The following IGF1R variants were observed in gnomAD, a reference collection of about 807,000 sequenced individuals.
IGF1R encodes insulin like growth factor 1 receptor.
A neutral mutation model predicts 144.6 loss-of-function variants in IGF1R; 44 were observed. The observed-to-expected ratio is 0.30, with a 90% CI of 0.24 to 0.39. The LOEUF is 0.39. Among genes scored for constraint, IGF1R ranks in the 10% least tolerant of loss-of-function variants. The pLI is 1.00. For missense variants in IGF1R, 1,355 were observed against 1,833.7 expected (o/e 0.74, Z 4.77); for synonymous variants, 795 against 722.8 (o/e 1.10, Z -1.60).
At chr15:98,924,260 T>C (rs1196047933) in intron 12 of IGF1R, among the ~76,000 whole-genome samples, 1 of 152,276 alleles carries the variant, frequency 6.6e-6, no homozygotes, top group African/African-American at 2.4e-5. Flanking sequence ...CCTTGTGGCA[T>C]AGGCCAGGTC....
At chr15:98,772,842 T>C (rs2055622699) in intron 2 of IGF1R, among the ~76,000 whole-genome samples, 1 of 152,164 alleles carries the variant, frequency 6.6e-6, no homozygotes, top group African/African-American at 2.4e-5. Context: ...TTACGATGTT[T>C]GTTATCACAG....
chr15:98,743,725 TA>T (rs142737117), intron 2 of IGF1R, among the ~76,000 whole-genome samples: 25 of 152,190 alleles, frequency 1.6e-4, no homozygotes, highest in Middle Eastern at 6.8e-3. Flanking sequence ...ATATTTCCAT[TA>T]AAAAATTCAT....
At chr15:98,873,555 A>G (rs528067031) in intron 2 of IGF1R, among the ~76,000 whole-genome samples, 4 of 152,380 alleles carry the variant, frequency 2.6e-5, no homozygotes, top group African/African-American at 9.6e-5. Context: ...AAAACTTGAA[A>G]GTGAGCCAGA....
chr15:98,674,715 T>C (rs1362503263), intron 1 of IGF1R, among the ~76,000 whole-genome samples: 2 of 152,172 alleles, frequency 1.3e-5, no homozygotes, highest in Non-Finnish European at 2.9e-5. Context: ...AAGTTTTCTG[T>C]CTCTCTATAA....
chr15:98,916,966 A>T (rs750614542), intron 10 of IGF1R, 90 bp downstream of exon 10: 1 of 1,109,250 alleles, frequency 9.0e-7, no homozygotes, highest in Non-Finnish European at 1.4e-6. Flanking sequence ...TGTGTAAGTC[A>T]GCAGCTGGGG....
chr15:98,939,121 G>C, intron 17 of IGF1R, 80 bp from the exon 18 acceptor site: 2 of 1,189,134 alleles, frequency 1.7e-6, no homozygotes, highest in Non-Finnish European at 2.5e-6. Flanking sequence ...GAACAAAGAT[G>C]ATATGCAAAC....
intron 19 of IGF1R, among the ~76,000 whole-genome samples, chr15:98,947,078 G>A (rs1321236900): frequency 6.6e-6 from 1 of 152,174 alleles, no homozygotes; most frequent in Non-Finnish European, 1.5e-5. Flanking sequence ...AGAGCTTCCC[G>A]CACAAAGCTG....
intron 1 of IGF1R, among the ~76,000 whole-genome samples, chr15:98,691,426 C>T (rs2053474534): frequency 6.7e-6 from 1 of 149,880 alleles, no homozygotes; most frequent in Admixed American, 6.7e-5. Flanking sequence ...TGCAATGGTG[C>T]AACCTCGACT....
At chr15:98,878,895 C>T (rs541483987) in intron 2 of IGF1R, among the ~76,000 whole-genome samples, 33 of 152,150 alleles carry the variant, frequency 2.2e-4, no homozygotes, top group Admixed American at 1.5e-3. Context: ...ACTCGGGAAG[C>T]TGAGGCAGGA....
At chr15:98,793,048 C>T (rs2056161999) in intron 2 of IGF1R, among the ~76,000 whole-genome samples, 1 of 152,174 alleles carries the variant, frequency 6.6e-6, no homozygotes, top group Non-Finnish European at 1.5e-5. Context: ...GGTCCATTCC[C>T]CAGGGTCACT....
intron 19 of IGF1R, among the ~76,000 whole-genome samples, chr15:98,947,297 G>A (rs1004384436): frequency 7.2e-5 from 11 of 152,162 alleles, no homozygotes; most frequent in African/African-American, 2.2e-4. Flanking sequence ...TTGATTCACC[G>A]AAAGTAGCTG....
chr15:98,918,160 A>G (rs1394075570), intron 10 of IGF1R, among the ~76,000 whole-genome samples: 2 of 152,190 alleles, frequency 1.3e-5, no homozygotes, highest in Non-Finnish European at 2.9e-5. Flanking sequence ...ATTATAGTGC[A>G]GATTTTGGAA....
At chr15:98,822,998 T>C (rs559543948) in intron 2 of IGF1R, among the ~76,000 whole-genome samples, 2 of 152,246 alleles carry the variant, frequency 1.3e-5, no homozygotes, top group Non-Finnish European at 2.9e-5. Context: ...AGGATTTTTA[T>C]TGAAGTCCAT....
intron 2 of IGF1R, among the ~76,000 whole-genome samples, chr15:98,773,243 G>A (rs1313227547): frequency 6.6e-6 from 1 of 152,084 alleles, no homozygotes; most frequent in African/African-American, 2.4e-5. Context: ...GAGTGTTGGG[G>A]GCTGTGTAAA....
Position 98,659,164 on chromosome 15 carries a change from A to G in IGF1R, c.94+9489A>G, listed in dbSNP as rs148284500. ...ATAGAACCTGGCACATAGGTGCTCA[A>G]TAAATGTATAATAAAACTTTATTTT... On this transcript the variant is annotated intron_variant, in intron 1 of 20. Transcript: ENST00000650285. Among the ~76,000 whole-genome samples the G allele has an allele frequency of 3.9e-5, 6 of 152,370 alleles. No individual in the cohort carries two copies. In the East Asian group the frequency reaches 9.6e-4, roughly 24 times the overall value.
At position 98,963,958 on chromosome 15, in the gene IGF1R, A is replaced by G. The variant is rs758187761; in HGVS notation, c.*6516A>G. The G allele has an allele frequency of 4.3e-6, 1 of 233,314 alleles. No homozygotes were observed. Among genetic ancestry groups the G allele is most frequent in the African/African-American group, 2.2e-5 (1 of 45,330 alleles). 14.5% of individuals were successfully genotyped at this position (233,314 alleles called of 1,614,324 possible). A position where few individuals can be genotyped will look rare whatever the true frequency, so the allele number is the denominator to read the frequency against. On this transcript the variant is annotated 3_prime_UTR_variant, in exon 21 of 21. Transcript: ENST00000650285. The stretch of plus-strand genomic sequence containing the variant: ...TGCGCTACATAGGAGAAAGATCTGG[A>G]AACTATTTGGGTTTTGTTTTCAACT...
At chr15:98,908,657 G>C in intron 5 of IGF1R, 28 bp from the exon 6 acceptor site, 1 of 1,594,690 alleles carries the variant, frequency 6.3e-7, no homozygotes, top group Non-Finnish European at 8.6e-7. Context: ...AAGGGCAGGT[G>C]CGCTAACATC....
At chr15:98,751,087 G>T (rs931354026) in intron 2 of IGF1R, among the ~76,000 whole-genome samples, 1 of 152,230 alleles carries the variant, frequency 6.6e-6, no homozygotes, top group African/African-American at 2.4e-5. Context: ...CATCATGCCC[G>T]GCCTTCTTCT....
At chr15:98,836,151 C>A (rs1596344490) in intron 2 of IGF1R, among the ~76,000 whole-genome samples, 1 of 152,002 alleles carries the variant, frequency 6.6e-6, no homozygotes, top group East Asian at 1.9e-4. Flanking sequence ...GTGAGGATGA[C>A]CCCACTGGCC....
Sources: allele counts gnomAD v4.1 joint callset (sites outside exome capture counted in the v4.1 genomes callset), GRCh38; gene constraint gnomAD v4.1.1; transcripts MANE v1.5; gene names NCBI Gene and HGNC (gene_info 2026-07-23, HGNC 2026-07-21).